Variants in DYNC1H1 observed in about 807,000 individuals in gnomAD.
DYNC1H1 encodes the protein cytoplasmic dynein 1 heavy chain 1.
DYNC1H1 carries 51 observed loss-of-function variants against 527.1 expected under a neutral mutation model. The ratio of observed to expected loss-of-function variants is 0.10; its 90% confidence interval spans 0.08 to 0.12. DYNC1H1 has a LOEUF of 0.12. Ranked by LOEUF, DYNC1H1 falls within the 10% of genes least tolerant of loss-of-function variation. DYNC1H1 has a pLI of 1.00. For synonymous variants in DYNC1H1, 2,189 were observed against 2,278.8 expected (o/e 0.96, Z 1.12); for missense variants, 2,771 against 5,971.8 (o/e 0.46, Z 17.66).
chr14:101,990,749 G>A lies in DYNC1H1; in HGVS notation c.2869-778G>A, dbSNP rs535205423. 1.8e-4 allele frequency among the ~76,000 whole-genome samples: 28 copies of A among 152,042 alleles called. No individual in the cohort carries two copies. In the South Asian group the frequency reaches 5.6e-3, roughly 30 times the overall value. ...AATTAGGCCGGGCGCGGTGGCTCATGCCTGTAATCCCAGCACTTTGAGAGG... is the reference window on the plus strand; with the variant it reads ...AATTAGGCCGGGCGCGGTGGCTCATACCTGTAATCCCAGCACTTTGAGAGG... On this transcript the variant is annotated intron_variant, in intron 10 of 77. Transcript: ENST00000360184.
intron 42 of DYNC1H1, among the ~76,000 whole-genome samples, chr14:102,022,147 G>GT (rs1178130007): frequency 2.8e-4 from 43 of 151,248 alleles, no homozygotes; most frequent in Admixed American, 2.8e-3. Flanking sequence ...AAGTAAGTAA[G>GT]TAAGATCGCG....
rs557093176 is a variant in DYNC1H1, at chr14:102,044,107, G to T, written c.12684+62G>T. ...GTATCTGGGAAGGATGCTGCAGGGCGTGGTGCTGAGAGGCCAGACTCTGCG... is the reference window on the plus strand; with the variant it reads ...GTATCTGGGAAGGATGCTGCAGGGCTTGGTGCTGAGAGGCCAGACTCTGCG... On this transcript the variant is annotated intron_variant, in intron 70 of 77. Coordinates refer to ENST00000360184, the MANE Select transcript of DYNC1H1 (RefSeq NM_001376.5). The surrounding 1 kb of genome is among the most constrained non-coding windows in gnomAD (Gnocchi z 7.1). The T allele has an allele frequency of 6.2e-7, 1 of 1,602,568 alleles. No individual in the cohort carries two copies. Among genetic ancestry groups the T allele is most frequent in the South Asian group, 1.1e-5 (1 of 90,178 alleles).
At chr14:102,031,610 A>T (rs997804422) in intron 51 of DYNC1H1, among the ~76,000 whole-genome samples, 2 of 152,140 alleles carry the variant, frequency 1.3e-5, no homozygotes, top group African/African-American at 2.4e-5. Flanking sequence ...TGTTGAAATT[A>T]TATAAAATAA....
In DYNC1H1 at chr14:102,050,027, C is replaced by T. The variant is rs755655071; in HGVS notation, c.13685-44C>T. 1.1e-5 allele frequency: 17 copies of T among 1,614,210 alleles called. No homozygotes were observed. The South Asian group carries it at 1.6e-4, about 16-fold the overall frequency. On this transcript the variant is annotated intron_variant, in intron 76 of 77. Transcript: ENST00000360184. ...CGCCCTGTGACTGGGGTTTGTGTAG[C>T]TGTTGTGTTCACCTCAGCCTGGGTT...
At chr14:101,976,504 T>C (rs1282529302) in intron 2 of DYNC1H1, among the ~76,000 whole-genome samples, 1 of 151,078 alleles carries the variant, frequency 6.6e-6, no homozygotes, top group East Asian at 2.0e-4. Context: ...ATTGTGCCAT[T>C]GCACTCCAGC....
Position 101,991,517 on chromosome 14 carries a change from T to G in DYNC1H1, c.2869-10T>G, listed in dbSNP as rs2141278556. On this transcript the variant is annotated splice_polypyrimidine_tract_variant and intron_variant, in intron 10 of 77. Transcript: ENST00000360184. ...GATTGCTGAGTAGAAATGAAACCTTTCTTTCACAGAATGTCGTTCATGAGC... is the reference window on the plus strand; with the variant it reads ...GATTGCTGAGTAGAAATGAAACCTTGCTTTCACAGAATGTCGTTCATGAGC... The G allele has an allele frequency of 6.2e-7, 1 of 1,614,216 alleles. No individual in the cohort carries two copies. Among genetic ancestry groups the G allele is most frequent in the Non-Finnish European group, 8.5e-7 (1 of 1,180,044 alleles).
rs758524853 is a variant in DYNC1H1, at chr14:102,038,626, C to T, written c.11055+20C>T. The T allele has an allele frequency of 9.9e-6, 16 of 1,614,156 alleles. No homozygotes were observed. The highest frequency in any genetic ancestry group is 1.4e-5 in the Non-Finnish European group (16 of 1,180,022). ...CCAACTGTAAGGAATGGGACCCTTC[C>T]CCAGGGAAATCTGGCAGGATGTGGT... is the stretch of plus-strand genomic sequence containing the variant. On this transcript the variant is annotated intron_variant, in intron 58 of 77. Transcript: ENST00000360184. The surrounding 1 kb of genome is among the most constrained non-coding windows in gnomAD (Gnocchi z 7.2).
chr14:101,993,575 GC>G (rs1470097619), intron 11 of DYNC1H1, among the ~76,000 whole-genome samples: 1 of 152,040 alleles, frequency 6.6e-6, no homozygotes, highest in Non-Finnish European at 1.5e-5. Context: ...GTAGACTCTT[GC>G]CCCTGCGCCT....
intron 2 of DYNC1H1, among the ~76,000 whole-genome samples, chr14:101,977,990 G>A (rs1340839901): frequency 2.0e-5 from 3 of 152,170 alleles, no homozygotes; most frequent in Admixed American, 6.5e-5. Context: ...AGGCTCAAGC[G>A]ATCCTCCTGC....
intron 7 of DYNC1H1, among the ~76,000 whole-genome samples, chr14:101,984,433 ATATATATATATAT>A (rs2047906948): frequency 9.9e-6 from 1 of 100,654 alleles, no homozygotes; most frequent in South Asian, 3.3e-4. Context: ...GTGTGTGTGT[ATATATATATATAT>A]TATATTTTTT....
chr14:102,016,033 G>A lies in DYNC1H1; in HGVS notation c.7420G>A (p.Ala2474Thr), dbSNP rs766837403. 6.8e-6 allele frequency: 11 copies of A among 1,613,336 alleles called. No individual in the cohort carries two copies. Among genetic ancestry groups the A allele is most frequent in the Middle Eastern group, 1.6e-4 (1 of 6,082 alleles). The change falls in exon 36 of 78, where the codon GCC becomes ACC. Residue 2474 changes from alanine (A) to threonine (T), a missense_variant. Around this residue, in one of 32 missense-constraint regions of DYNC1H1, gnomAD observed 122 missense variants for 168.4 expected, o/e 0.72. Coordinates refer to ENST00000360184, the MANE Select transcript of DYNC1H1 (RefSeq NM_001376.5). This position sits in a 1 kb window ranked among gnomAD's most constrained non-coding sequence, Gnocchi z 7.3. The stretch of plus-strand genomic sequence containing the variant: ...CTGCCGCAACGTGGCGCAGTATAAC[G>A]CCAACCATCCCGACTTCCCCATGCA... The part of the protein sequence containing the change: ...QACRNVAQYN[A>T]NHPDFPMQIE...
chr14:102,043,925 G>A lies in DYNC1H1; in HGVS notation c.12564G>A (p.Ala4188=), dbSNP rs370064490. The A allele has an allele frequency of 7.7e-5, 125 of 1,614,230 alleles. 2 individuals are homozygous for A. The highest frequency in any genetic ancestry group is 4.5e-4 in the African/African-American group (34 of 75,056). ...RLYFLLAWFH[A]IIQERLRYAP... ...ACTTCCTGCTGGCCTGGTTTCATGC[G>A]ATCATCCAAGAACGCTTACGATACG... The change falls in exon 70 of 78, where the codon GCG becomes GCA. Residue 4188 remains alanine, a synonymous_variant. Coordinates refer to ENST00000360184, the MANE Select transcript of DYNC1H1 (RefSeq NM_001376.5).
rs147501719 is a variant in DYNC1H1 at position 102,047,459 on chromosome 14, C to T, written c.13007-358C>T. Among the ~76,000 whole-genome samples the T allele has an allele frequency of 8.5e-3, 1,288 of 151,856 alleles. 21 individuals are homozygous for T. The highest frequency in any genetic ancestry group is 0.03 in the African/African-American group (1,241 of 41,336). ...GCCTGAGTCAGGAGAATCACTTGAACCCAGGAGGCAGAGGTTGCAGTGAGC... is the reference window on the plus strand; with the variant it reads ...GCCTGAGTCAGGAGAATCACTTGAATCCAGGAGGCAGAGGTTGCAGTGAGC... On this transcript the variant is annotated intron_variant, in intron 72 of 77. Coordinates refer to ENST00000360184, the MANE Select transcript of DYNC1H1 (RefSeq NM_001376.5).
At position 102,032,477 on chromosome 14, in the gene DYNC1H1, T is replaced by C. The variant is rs988658776; in HGVS notation, c.10079+10T>C. 1 of 1,613,958 alleles carries C rather than the reference T, an allele frequency of 6.2e-7. No homozygotes were observed. Among genetic ancestry groups the C allele is most frequent in the South Asian group, 1.1e-5 (1 of 91,072 alleles). On this transcript the variant is annotated intron_variant, in intron 52 of 77. Transcript: ENST00000360184. ...CTGCAGAGGAGATCAGGTGAGAAAGTGGAAGTGCCAAGGTATTGCCAGAAA... is the reference window on the plus strand; with the variant it reads ...CTGCAGAGGAGATCAGGTGAGAAAGCGGAAGTGCCAAGGTATTGCCAGAAA...
At chr14:101,988,577 G>A in intron 9 of DYNC1H1, 126 bp from the exon 10 acceptor site, 1 of 1,210,734 alleles carries the variant, frequency 8.3e-7, no homozygotes, top group Non-Finnish European at 1.2e-6. Flanking sequence ...TGAGAAGAGA[G>A]ATATGAAGGC....
At chr14:102,003,943 T>G (rs1268953683) in intron 23 of DYNC1H1, among the ~76,000 whole-genome samples, 1 of 147,204 alleles carries the variant, frequency 6.8e-6, no homozygotes, top group Non-Finnish European at 1.5e-5. Context: ...AAAAAAGAGT[T>G]AATAAAGTAA....
Position 101,964,785 on chromosome 14 carries a change from A to G in DYNC1H1, c.94A>G (p.Lys32Glu). Residue 32 changes from lysine (K) to glutamate (E), a missense_variant, in exon 1 of 78, where the codon AAG (lysine) becomes GAG (glutamate). Lys to Glu is a moderately conservative substitution (Grantham distance 56). Coordinates refer to ENST00000360184, the MANE Select transcript of DYNC1H1 (RefSeq NM_001376.5). This position sits in a 1 kb window ranked among gnomAD's most constrained non-coding sequence, Gnocchi z 5.5. ...TGTGGCGGACGTGTCGGTGCTGCAG[A>G]AGCACCTGCGCAAGCTGGTGCCGCT... ...QNVADVSVLQ[K>E]HLRKLVPLLL... 3.1e-6 allele frequency: 5 copies of G among 1,602,326 alleles called. No homozygotes were observed. Among genetic ancestry groups the G allele is most frequent in the Non-Finnish European group, 4.2e-6 (5 of 1,176,738 alleles).
In DYNC1H1 at chr14:102,050,165, C is replaced by G. The variant is rs1185605280; in HGVS notation, c.13779C>G (p.Val4593=). 2 of 1,613,960 alleles carry G rather than the reference C, an allele frequency of 1.2e-6. No homozygotes were observed. The highest frequency in any genetic ancestry group is 1.7e-6 in the Non-Finnish European group (2 of 1,180,042). The change falls in exon 77 of 78, where the codon GTC becomes GTG. Residue 4593 remains valine (V), a synonymous_variant. Transcript: ENST00000360184. ...TTCCCCTGACGCAGCTGCGCTGGGTCAAGCAGACAAACACCGAGAAGAAGG... is the reference window on the plus strand; with the variant it reads ...TTCCCCTGACGCAGCTGCGCTGGGTGAAGCAGACAAACACCGAGAAGAAGG... The part of the protein sequence containing the change: ...TALPLTQLRW[V]KQTNTEKKAS...
Position 102,039,526 on chromosome 14 carries a change from A to T in DYNC1H1, c.11575A>T (p.Ile3859Leu). 1.9e-6 allele frequency: 3 copies of T among 1,614,262 alleles called. No individual in the cohort carries two copies. The highest frequency in any genetic ancestry group is 2.5e-6 in the Non-Finnish European group (3 of 1,180,046). Residue 3859 changes from isoleucine to leucine, a missense_variant, in exon 61 of 78, where the codon ATA (isoleucine) becomes TTA (leucine). This residue lies in a region of DYNC1H1 where 283 missense variants were observed against 737.6 expected (regional missense o/e 0.38). Transcript: ENST00000360184. This position sits in a 1 kb window ranked among gnomAD's most constrained non-coding sequence, Gnocchi z 7.0. ...VTDHTQRLSI[I>L]TKDLFQVAFN... is the part of the protein sequence containing the mutation. Reference sequence around the variant, plus strand: ...CGACCACACACAGCGCCTGTCCATTATAACAAAGGACCTCTTCCAGGTAGA... The same window carrying T: ...CGACCACACACAGCGCCTGTCCATTTTAACAAAGGACCTCTTCCAGGTAGA...
Sources: allele counts gnomAD v4.1 joint callset (sites outside exome capture counted in the v4.1 genomes callset), GRCh38; gene constraint gnomAD v4.1.1; regional missense constraint gnomAD v4.1.1; non-coding constraint Gnocchi (gnomAD v3.1); transcripts MANE v1.5; gene names NCBI Gene and HGNC (gene_info 2026-07-23, HGNC 2026-07-21).